Variants in FSTL5 observed in about 807,000 individuals in gnomAD.
FSTL5 encodes the protein follistatin like 5, also known as follistatin-related protein 5.
FSTL5 carries 62 observed loss-of-function variants against 89.1 expected under a neutral mutation model. The ratio of observed to expected loss-of-function variants is 0.70; its 90% CI spans 0.57 to 0.86. The LOEUF (loss-of-function observed/expected upper bound fraction) is 0.86. Ranked by LOEUF, FSTL5 falls within the 40% of genes least tolerant of loss-of-function variation. The pLI is 0.00. For synonymous variants in FSTL5, 383 were observed against 346.2 expected, an observed-to-expected ratio of 1.11 and a Z score of -1.18; for missense variants, 1,057 against 1,001.6, an observed-to-expected ratio of 1.06 and a Z score of -0.75.
chr4:161,892,235 C>T (rs775717637), intron 4 of FSTL5, among the ~76,000 whole-genome samples: 1 of 152,048 alleles, frequency 6.6e-6, no homozygotes, highest in South Asian at 2.1e-4. Flanking sequence ...TTTCTACTAA[C>T]TTTTCAACTT....
chr4:162,027,175 C>A (rs1737325600), intron 3 of FSTL5, among the ~76,000 whole-genome samples: 1 of 152,092 alleles, frequency 6.6e-6, no homozygotes, highest in Non-Finnish European at 1.5e-5. Context: ...GGCAGAAGGA[C>A]ATCCATCAGG....
chr4:161,709,150 G>A (rs942083066), intron 6 of FSTL5, among the ~76,000 whole-genome samples: 1 of 152,030 alleles, frequency 6.6e-6, no homozygotes, highest in Non-Finnish European at 1.5e-5. Flanking sequence ...TACATAGCTG[G>A]AACAGTTTTA....
intron 3 of FSTL5, among the ~76,000 whole-genome samples, chr4:161,968,934 T>TACACAC (rs147433060): frequency 0.056 from 7,908 of 140,186 alleles, 224 homozygotes; most frequent in Non-Finnish European, 0.072. Flanking sequence ...GACACAGACA[T>TACACAC]ACACACACAC....
intron 6 of FSTL5, among the ~76,000 whole-genome samples, chr4:161,743,122 C>A (rs1255915049): frequency 6.6e-6 from 1 of 151,952 alleles, no homozygotes; most frequent in Non-Finnish European, 1.5e-5. Context: ...TTGTTATAGC[C>A]CATAAAACAT....
chr4:161,696,264 G>A (rs571551554), intron 6 of FSTL5, among the ~76,000 whole-genome samples: 1 of 152,192 alleles, frequency 6.6e-6, no homozygotes, highest in South Asian at 2.1e-4. Context: ...AGATCAATTG[G>A]CTGTAAGTAT....
intron 10 of FSTL5, among the ~76,000 whole-genome samples, chr4:161,525,233 T>C (rs1041368888): frequency 1.3e-5 from 2 of 152,190 alleles, no homozygotes; most frequent in Non-Finnish European, 2.9e-5. Flanking sequence ...AAATAGAGAA[T>C]TGATGTATTC....
intron 1 of FSTL5, among the ~76,000 whole-genome samples, chr4:162,141,972 G>A (rs74750686): frequency 0.033 from 5,059 of 152,202 alleles, 126 homozygotes; most frequent in Non-Finnish European, 0.048. Context: ...GAGAGCAGTG[G>A]TTCTCCACCA....
At chr4:161,771,333 C>A (rs749578499) in intron 5 of FSTL5, among the ~76,000 whole-genome samples, 2 of 151,988 alleles carry the variant, frequency 1.3e-5, no homozygotes, top group Non-Finnish European at 2.9e-5. Flanking sequence ...AGCAATGTTT[C>A]CAATAAGCTT....
At chr4:161,535,314 A>G (rs1406114834) in intron 10 of FSTL5, among the ~76,000 whole-genome samples, 2 of 152,148 alleles carry the variant, frequency 1.3e-5, no homozygotes, top group African/African-American at 4.8e-5. Flanking sequence ...ATGGGAAAAA[A>G]TATATGTAAA....
In FSTL5 at chr4:162,079,884, T is replaced by C. The variant is rs142102257; in HGVS notation, c.126+31387A>G. ...AGGAGCAAGAAACTATTGTTTCTTG[T>C]ATATATATATAAGAAATATAGTATA... On this transcript the variant is annotated intron_variant, in intron 2 of 15. Transcript: ENST00000306100. 1.8e-3 allele frequency among the ~76,000 whole-genome samples: 264 copies of C among 146,636 alleles called. 4 individuals are homozygous for C. In the East Asian group the frequency reaches 0.023, roughly 13 times the overall value.
chr4:162,093,963 T>A (rs186081074), intron 2 of FSTL5, among the ~76,000 whole-genome samples: 52 of 152,230 alleles, frequency 3.4e-4, no homozygotes, highest in Admixed American at 3.1e-3. Context: ...CAATAATATA[T>A]CATCTGCTCA....
chr4:161,627,573 T>C (rs1189479694), intron 7 of FSTL5, among the ~76,000 whole-genome samples: 2 of 152,094 alleles, frequency 1.3e-5, no homozygotes, highest in African/African-American at 4.8e-5. Context: ...GTCTAGAAAA[T>C]GTGTTTTTGT....
chr4:162,000,853 A>G (rs921519215), intron 3 of FSTL5, among the ~76,000 whole-genome samples: 4 of 152,120 alleles, frequency 2.6e-5, no homozygotes, highest in Non-Finnish European at 5.9e-5. Context: ...TTGGCACAAA[A>G]TAAGGAAGCA....
At chr4:161,415,313 TGATG>T (rs1479705949) in intron 15 of FSTL5, among the ~76,000 whole-genome samples, 1 of 152,170 alleles carries the variant, frequency 6.6e-6, no homozygotes, top group Non-Finnish European at 1.5e-5. Flanking sequence ...TGGAGTGCAA[TGATG>T]CAATCTCTGC....
chr4:161,619,211 A>G (rs2126643774), intron 7 of FSTL5, among the ~76,000 whole-genome samples: 1 of 152,256 alleles, frequency 6.6e-6, no homozygotes, highest in East Asian at 1.9e-4. Context: ...AAAGACTTAA[A>G]CGTTAGACCT....
At chr4:161,524,428 G>A (rs1422971420) in intron 10 of FSTL5, among the ~76,000 whole-genome samples, 1 of 152,048 alleles carries the variant, frequency 6.6e-6, no homozygotes, top group Non-Finnish European at 1.5e-5. Flanking sequence ...CACAGCCATG[G>A]TCACTCATAT....
intron 2 of FSTL5, among the ~76,000 whole-genome samples, chr4:162,106,544 T>C (rs1731233551): frequency 6.6e-6 from 1 of 152,052 alleles, no homozygotes; most frequent in African/African-American, 2.4e-5. Context: ...TCATTATAAA[T>C]ATAGCCAGGG....
chr4:162,065,611 G>T (rs1738868752), intron 2 of FSTL5, among the ~76,000 whole-genome samples: 1 of 151,982 alleles, frequency 6.6e-6, no homozygotes, highest in African/African-American at 2.4e-5. Flanking sequence ...CACCATTGAT[G>T]TGAAGATAAG....
chr4:161,890,128 A>G (rs1732940308), intron 4 of FSTL5, among the ~76,000 whole-genome samples: 1 of 152,122 alleles, frequency 6.6e-6, no homozygotes, highest in Non-Finnish European at 1.5e-5. Flanking sequence ...GTGAATGTAA[A>G]TGAGTCAGTC....
Sources: allele counts gnomAD v4.1 joint callset (sites outside exome capture counted in the v4.1 genomes callset), GRCh38; gene constraint gnomAD v4.1.1; transcripts MANE v1.5; gene names NCBI Gene and HGNC (gene_info 2026-07-23, HGNC 2026-07-21).